The following UNC13C variants were observed in gnomAD, a reference collection of about 807,000 sequenced individuals.
UNC13C encodes unc-13 homolog C.
UNC13C carries 174 observed loss-of-function variants against 245.4 expected under a neutral mutation model. The ratio of observed to expected loss-of-function variants is 0.71; its 90% CI spans 0.63 to 0.80. The LOEUF is 0.80. Ranked by LOEUF, UNC13C falls within the 30% of genes least tolerant of loss-of-function variation. The pLI is 0.00. For missense variants in UNC13C, 2,829 were observed against 2,602.9 expected (o/e 1.09, Z -1.89); for synonymous variants, 992 against 895.1 (o/e 1.11, Z -1.93).
At chr15:54,436,796 G>T (rs753480740) in intron 19 of UNC13C, among the ~76,000 whole-genome samples, 1 of 151,656 alleles carries the variant, frequency 6.6e-6, no homozygotes. Context: ...AAACCTGCAC[G>T]TTCTGCACAT....
At chr15:54,548,361 A>AG (rs1357429869) in intron 27 of UNC13C, among the ~76,000 whole-genome samples, 3 of 151,432 alleles carry the variant, frequency 2.0e-5, no homozygotes, top group Non-Finnish European at 3.0e-5. Context: ...AGCTGGGACT[A>AG]CAGGCGCCTG....
At chr15:54,282,052 C>G (rs951158665) in intron 10 of UNC13C, among the ~76,000 whole-genome samples, 1 of 151,974 alleles carries the variant, frequency 6.6e-6, no homozygotes, top group Non-Finnish European at 1.5e-5. Context: ...TACATTTTGT[C>G]TCTTCTCCAG....
At chr15:54,022,235 C>T (rs1895931745) in intron 2 of UNC13C, among the ~76,000 whole-genome samples, 1 of 152,168 alleles carries the variant, frequency 6.6e-6, no homozygotes, top group Admixed American at 6.5e-5. Context: ...TCTACATTCT[C>T]ACCAACACTT....
Position 54,509,451 on chromosome 15 carries a change from C to T in UNC13C, c.5379+2257C>T, listed in dbSNP as rs141854503. 4.6e-4 allele frequency among the ~76,000 whole-genome samples: 70 copies of T among 152,136 alleles called. 1 individual carries two copies. The East Asian group carries it at 0.013, about 27-fold the overall frequency. ...TAAAATATTTTTAAACTCAGAAACA[C>T]TTTGGCCATGTAGAAGTGTTCCTAG... On this transcript the variant is annotated intron_variant, in intron 23 of 32. Transcript: ENST00000260323.
At chr15:54,612,985 C>G (rs963310516) in intron 30 of UNC13C, among the ~76,000 whole-genome samples, 12 of 151,918 alleles carry the variant, frequency 7.9e-5, no homozygotes, top group African/African-American at 2.9e-4. Context: ...CTTGCCATGT[C>G]ACTATTATTT....
At chr15:54,462,631 A>C (rs559054131) in intron 19 of UNC13C, among the ~76,000 whole-genome samples, 1 of 152,210 alleles carries the variant, frequency 6.6e-6, no homozygotes, top group African/African-American at 2.4e-5. Flanking sequence ...CGGGTCCCCC[A>C]GCACTGCCGG....
chr15:54,250,515 A>C, intron 8 of UNC13C, 71 bp downstream of exon 8: 1 of 1,386,752 alleles, frequency 7.2e-7, no homozygotes, highest in Non-Finnish European at 9.7e-7. Flanking sequence ...ATGTTAGATC[A>C]CTTCAACTCT....
intron 19 of UNC13C, chr15:54,417,060 C>T (rs1379545677): frequency 2.3e-6 from 1 of 437,186 alleles, no homozygotes; most frequent in Non-Finnish European, 4.6e-6. Flanking sequence ...TTATTTTAAT[C>T]TGCTGCGTAA....
chr15:54,230,383 C>T (rs568588938), intron 4 of UNC13C, among the ~76,000 whole-genome samples: 1 of 151,950 alleles, frequency 6.6e-6, no homozygotes, highest in Non-Finnish European at 1.5e-5. Flanking sequence ...ATAGTTTTCA[C>T]GTGATATTTT....
At position 54,592,616 on chromosome 15, in the gene UNC13C, C is replaced by A. The variant is rs144469849; in HGVS notation, c.6106+24669C>A. 2.0e-5 allele frequency among the ~76,000 whole-genome samples: 3 copies of A among 152,184 alleles called. No homozygotes were observed. In the South Asian group the frequency reaches 6.2e-4, roughly 32 times the overall value. ...TTTTGTCGGATATAAGAATAGCTAC[C>A]CCTGCTTGCTTTTGGTGTCTTTTTG... is the stretch of plus-strand genomic sequence containing the variant. On this transcript the variant is annotated intron_variant, in intron 30 of 32. Transcript: ENST00000260323.
At chr15:54,117,030 TTGAG>T (rs1413660520) in intron 2 of UNC13C, among the ~76,000 whole-genome samples, 6 of 152,170 alleles carry the variant, frequency 3.9e-5, no homozygotes, top group Non-Finnish European at 8.8e-5. Flanking sequence ...ATTGGAGATG[TTGAG>T]TTTTTTTCAT....
chr15:53,850,323 GAGGATCACTTGA>G, the UNC13C span, among the ~76,000 whole-genome samples: 1 of 152,134 alleles, frequency 6.6e-6, no homozygotes, highest in East Asian at 1.9e-4. Flanking sequence ...ACTGAGGCAG[GAGGATCACTTGA>G]ACCCCGGTGG....
At chr15:54,528,795 G>T (rs983829122) in intron 25 of UNC13C, among the ~76,000 whole-genome samples, 1 of 152,030 alleles carries the variant, frequency 6.6e-6, no homozygotes, top group African/African-American at 2.4e-5. Flanking sequence ...ATGACCCCGT[G>T]GTAAATCAAC....
Position 54,460,144 on chromosome 15 carries a change from G to A in UNC13C, c.4934-34464G>A, listed in dbSNP as rs148210753. ...ATGGGGCTTCCTGAAAGCCAGACTC[G>A]AGTGATTGTTATTGCCCTTCTAAGT... On this transcript the variant is annotated intron_variant, in intron 19 of 32. Transcript: ENST00000260323. 4.3e-3 allele frequency among the ~76,000 whole-genome samples: 659 copies of A among 152,238 alleles called. 8 individuals carry two copies. The highest frequency in any genetic ancestry group is 0.016 in the East Asian group (83 of 5,166).
chr15:54,538,297 A>G (rs1209639033), intron 26 of UNC13C, among the ~76,000 whole-genome samples: 1 of 152,044 alleles, frequency 6.6e-6, no homozygotes, highest in Non-Finnish European at 1.5e-5. Flanking sequence ...ACAATGAGAT[A>G]CCATCTCACA....
chr15:54,441,119 C>T (rs1890503463), intron 19 of UNC13C, among the ~76,000 whole-genome samples: 1 of 151,996 alleles, frequency 6.6e-6, no homozygotes, highest in Non-Finnish European at 1.5e-5. Flanking sequence ...TGTCTCTTTA[C>T]TCTGTTGGTT....
At chr15:54,041,878 G>A (rs144774870) in intron 2 of UNC13C, among the ~76,000 whole-genome samples, 385 of 152,160 alleles carry the variant, frequency 2.5e-3, no homozygotes, top group Non-Finnish European at 4.4e-3. Context: ...CTTTATTTGC[G>A]TTTTGAAGTT....
At chr15:54,247,234 T>C (rs74013538) in intron 7 of UNC13C, among the ~76,000 whole-genome samples, 3,861 of 152,280 alleles carry the variant, frequency 0.025, 161 homozygotes, top group African/African-American at 0.089. Context: ...CAATAGCAAA[T>C]TTTGGGGTTT....
At chr15:54,272,836 C>CT (rs2036722494) in intron 10 of UNC13C, among the ~76,000 whole-genome samples, 1 of 152,030 alleles carries the variant, frequency 6.6e-6, no homozygotes, top group Non-Finnish European at 1.5e-5. Flanking sequence ...ATGGAGAGAT[C>CT]TAAATTGAAT....
Sources: gnomAD v4.1 joint callset for allele counts (sites outside exome capture counted in the v4.1 genomes callset) on GRCh38, gnomAD v4.1.1 for gene constraint, MANE v1.5 for transcripts, NCBI Gene and HGNC (gene_info 2026-07-23, HGNC 2026-07-21) for gene names.